The following ARGFX variants were observed in gnomAD, a reference collection of about 807,000 sequenced individuals.
The protein encoded by ARGFX is arginine-fifty homeobox.
In ARGFX, 10 loss-of-function variants were observed where a neutral mutation model predicts 8.0. That is an observed-to-expected ratio of 1.25 (90% CI 0.77 to 2.12). ARGFX has a LOEUF of 2.12. Among genes scored for constraint, ARGFX ranks in the 30% most tolerant of loss-of-function variants. The probability of loss-of-function intolerance (pLI) is 0.00; values close to 1 mark genes in which losing one functional copy is unlikely to be tolerated. For synonymous variants in ARGFX, 116 were observed against 117.8 expected (o/e 0.98, Z 0.10); for missense variants, 282 against 324.3 (o/e 0.87, Z 1.00).
chr3:121,579,936 TTTTC>T (rs369914714), intron 3 of ARGFX, among the ~76,000 whole-genome samples: 37,267 of 132,570 alleles, frequency 0.28, 5,769 homozygotes, highest in East Asian at 0.63. Flanking sequence ...TTTTCTTTTC[TTTTC>T]TTTTCTTTTT....
chr3:121,579,469 A>C (rs2048764503), intron 3 of ARGFX, among the ~76,000 whole-genome samples: 4 of 152,080 alleles, frequency 2.6e-5, no homozygotes, highest in African/African-American at 9.7e-5. Flanking sequence ...TCAGCCACAT[A>C]TTTTAATCAG....
Position 121,587,979 on chromosome 3 carries a change from A to G in ARGFX, c.*1379A>G, listed in dbSNP as rs2048822624. ...ATGAAAAAATAATATATATATATAT[A>G]GTACAATGGTCCAGACATAATAAGA... On this transcript the variant is annotated 3_prime_UTR_variant, in exon 5 of 5. Transcript: ENST00000334384. 1.4e-5 allele frequency among the ~76,000 whole-genome samples: 2 copies of G among 147,562 alleles called. No individual in the cohort carries two copies. Among genetic ancestry groups the G allele is most frequent in the African/African-American group, 5.0e-5 (2 of 39,838 alleles).
chr3:121,575,824 A>G (rs1233302550), intron 2 of ARGFX, among the ~76,000 whole-genome samples: 1 of 152,030 alleles, frequency 6.6e-6, no homozygotes, highest in East Asian at 1.9e-4. Context: ...GAGGCAGGAG[A>G]ATCGCTTGAA....
At position 121,589,774 on chromosome 3, in the gene ARGFX, A is replaced by G. The variant is rs1407620871; in HGVS notation, c.*3174A>G. Among the ~76,000 whole-genome samples the G allele has an allele frequency of 1.3e-5, 2 of 152,226 alleles. No homozygotes were observed. The highest frequency in any genetic ancestry group is 4.8e-5 in the African/African-American group (2 of 41,460). On this transcript the variant is annotated 3_prime_UTR_variant, in exon 5 of 5. Transcript: ENST00000334384. ...TTTGAACTTAAATATACTTAACAAC[A>G]TATACCAAAAATATATGAGGCAAAT...
At chr3:121,568,174 A>G (rs2048684654) in intron 1 of ARGFX, among the ~76,000 whole-genome samples, 161 bp downstream of exon 1, 1 of 152,186 alleles carries the variant, frequency 6.6e-6, no homozygotes, top group African/African-American at 2.4e-5. Flanking sequence ...GGAAGGTCAG[A>G]AAGACTGACT....
chr3:121,583,461 G>A (rs1445810164), intron 3 of ARGFX, among the ~76,000 whole-genome samples: 1 of 151,116 alleles, frequency 6.6e-6, no homozygotes, highest in Non-Finnish European at 1.5e-5. Context: ...TTTTGAGACA[G>A]GGTCTCACTC....
At chr3:121,575,541 G>C (rs1278899891) in intron 2 of ARGFX, among the ~76,000 whole-genome samples, 2 of 152,124 alleles carry the variant, frequency 1.3e-5, no homozygotes, top group East Asian at 3.8e-4. Context: ...GCAGGCATGA[G>C]AGCGAGCACA....
At chr3:121,579,328 C>T (rs2048763508) in intron 3 of ARGFX, among the ~76,000 whole-genome samples, 1 of 152,046 alleles carries the variant, frequency 6.6e-6, no homozygotes, top group Admixed American at 6.5e-5. Flanking sequence ...TTTTATTTTT[C>T]CTTATCTGAT....
Position 121,586,415 on chromosome 3 carries a change from T to TGCC in ARGFX, c.763_764insGCC (p.Ser255delinsCysPro). ...TTTCCACTGTCTGTATCAGTATCTC[T>TGCC]CACCCACAAAGTACCAGGTAGGAGG... is the stretch of plus-strand genomic sequence containing the variant. On this transcript the variant is annotated protein_altering_variant, in exon 5 of 5. Coordinates refer to ENST00000334384, the MANE Select transcript of ARGFX (RefSeq NM_001012659.2). 1 of 1,614,206 alleles carries TGCC rather than the reference T, an allele frequency of 6.2e-7. No homozygotes were observed. The highest frequency in any genetic ancestry group is 8.5e-7 in the Non-Finnish European group (1 of 1,180,034).
intron 1 of ARGFX, among the ~76,000 whole-genome samples, chr3:121,569,808 G>A (rs1467489563): frequency 2.6e-5 from 4 of 152,080 alleles, no homozygotes; most frequent in African/African-American, 9.7e-5. Context: ...GCAAAATATT[G>A]GTTTATGAAT....
intron 3 of ARGFX, among the ~76,000 whole-genome samples, chr3:121,579,294 C>T (rs909246638): frequency 1.3e-5 from 2 of 152,214 alleles, no homozygotes; most frequent in African/African-American, 4.8e-5. Context: ...ATTTGTAACA[C>T]AAAGTATATC....
rs1374881850 is a variant in ARGFX, at chr3:121,577,254, TATATA to T, written c.220+355_220+359del. On this transcript the variant is annotated intron_variant, in intron 3 of 4. Transcript: ENST00000334384. ...ATATATATATATATATATATATATA[TATATA>T]TTTTTTTTTTTTTAAATGGAGTCTC... 6.1e-3 allele frequency among the ~76,000 whole-genome samples: 338 copies of T among 55,178 alleles called. 1 individual carries two copies. Among genetic ancestry groups the T allele is most frequent in the African/African-American group, 0.018 (259 of 14,012 alleles). 36.2% of individuals were successfully genotyped at this position (55,178 alleles called of 152,430 possible).
intron 3 of ARGFX, among the ~76,000 whole-genome samples, chr3:121,581,008 C>T (rs1014809766): frequency 2.0e-5 from 3 of 152,062 alleles, no homozygotes; most frequent in Non-Finnish European, 4.4e-5. Flanking sequence ...GAGGCCGAGT[C>T]TCGCTCTGTT....
At position 121,586,722 on chromosome 3, in the gene ARGFX, T is replaced by C. The variant is rs1277198020; in HGVS notation, c.*122T>C. The C allele has an allele frequency of 1.1e-6, 1 of 882,110 alleles. No individual in the cohort carries two copies. 54.6% of individuals were successfully genotyped at this position (882,110 alleles called of 1,614,324 possible). ...TGGGTCTGTGTCTCTGATTTCCATG[T>C]AAATGTTGCAAAAAGAGTTTTCCAA... On this transcript the variant is annotated 3_prime_UTR_variant, in exon 5 of 5. Coordinates refer to ENST00000334384, the MANE Select transcript of ARGFX (RefSeq NM_001012659.2).
intron 3 of ARGFX, among the ~76,000 whole-genome samples, chr3:121,581,280 C>G (rs187766512): frequency 2.0e-5 from 3 of 152,276 alleles, no homozygotes. Context: ...AAGCTTCTAA[C>G]TTTACTTTTA....
intron 3 of ARGFX, among the ~76,000 whole-genome samples, chr3:121,584,172 C>G (rs528248630): frequency 7.2e-6 from 1 of 138,136 alleles, no homozygotes; most frequent in African/African-American, 2.7e-5. Flanking sequence ...AGCAAGACCC[C>G]GTCTCTAAAA....
intron 1 of ARGFX, among the ~76,000 whole-genome samples, 146 bp downstream of exon 1, chr3:121,568,159 C>A (rs971914670): frequency 9.9e-5 from 15 of 152,074 alleles, no homozygotes; most frequent in Non-Finnish European, 1.8e-4. Flanking sequence ...TGGTTGGGGA[C>A]AGAAGGAAGG....
At chr3:121,582,523 A>T (rs2048785965) in intron 3 of ARGFX, among the ~76,000 whole-genome samples, 1 of 152,196 alleles carries the variant, frequency 6.6e-6, no homozygotes, top group Non-Finnish European at 1.5e-5. Context: ...AAGTTTAGAA[A>T]TATGTACATT....
chr3:121,573,083 T>C (rs1341678515), intron 2 of ARGFX, among the ~76,000 whole-genome samples: 2 of 152,218 alleles, frequency 1.3e-5, no homozygotes, highest in Admixed American at 1.3e-4. Flanking sequence ...GATTTAGCAA[T>C]GGTTTCTTGG....
Sources: allele counts gnomAD v4.1 joint callset (sites outside exome capture counted in the v4.1 genomes callset), GRCh38; gene constraint gnomAD v4.1.1; transcripts MANE v1.5; gene names NCBI Gene and HGNC (gene_info 2026-07-23, HGNC 2026-07-21).